The following CTNND2 variants were observed in gnomAD, a reference collection of about 807,000 sequenced individuals.
The protein encoded by CTNND2 is catenin delta 2.
In CTNND2, 22 loss-of-function variants were observed where a neutral mutation model predicts 144.4. The ratio of observed to expected loss-of-function variants is 0.15; its 90% CI spans 0.11 to 0.22. The LOEUF (loss-of-function observed/expected upper bound fraction) is 0.22. Among genes scored for constraint, CTNND2 ranks in the 10% least tolerant of loss-of-function variants. CTNND2 has a pLI of 1.00. For synonymous variants in CTNND2, 751 were observed against 695.6 expected (o/e 1.08, Z -1.25); for missense variants, 1,353 against 1,618.8 (o/e 0.84, Z 2.82).
intron 1 of CTNND2, among the ~76,000 whole-genome samples, chr5:11,861,550 T>C (rs998027180): frequency 6.6e-6 from 1 of 152,210 alleles, no homozygotes; most frequent in African/African-American, 2.4e-5. Context: ...CTGAATGCCA[T>C]TGTCCAAACC....
intron 8 of CTNND2, among the ~76,000 whole-genome samples, chr5:11,362,954 A>G (rs541410267): frequency 6.6e-6 from 1 of 152,382 alleles, no homozygotes; most frequent in Non-Finnish European, 1.5e-5. Flanking sequence ...ATGAATGGGT[A>G]TGGCTGCATC....
intron 1 of CTNND2, among the ~76,000 whole-genome samples, chr5:11,816,092 C>T (rs1363459071): frequency 1.3e-5 from 2 of 152,176 alleles, no homozygotes; most frequent in African/African-American, 4.8e-5. Context: ...AGGCCCTGGT[C>T]CTGGGACCCA....
intron 2 of CTNND2, among the ~76,000 whole-genome samples, chr5:11,692,287 T>A (rs964831591): frequency 6.6e-6 from 1 of 152,038 alleles, no homozygotes; most frequent in Non-Finnish European, 1.5e-5. Flanking sequence ...CAAAAAAAAA[T>A]TTTAAAAAGT....
chr5:11,242,986 T>C (rs1482716917), intron 9 of CTNND2, among the ~76,000 whole-genome samples: 2 of 152,226 alleles, frequency 1.3e-5, no homozygotes, highest in Non-Finnish European at 2.9e-5. Flanking sequence ...CTAGATATTT[T>C]CTAGTAATTT....
chr5:11,014,510 C>A (rs1045987634), intron 18 of CTNND2, among the ~76,000 whole-genome samples: 3 of 152,186 alleles, frequency 2.0e-5, no homozygotes, highest in African/African-American at 7.2e-5. Flanking sequence ...CTTTAGCCTG[C>A]AAGTGATCAC....
At chr5:11,589,011 G>T (rs559442934) in intron 2 of CTNND2, 2 of 985,116 alleles carry the variant, frequency 2.0e-6, no homozygotes, top group Non-Finnish European at 2.4e-6. Context: ...GCTTTCACTC[G>T]CAAACAGTTT....
At chr5:11,248,597 T>C (rs1435157681) in intron 9 of CTNND2, among the ~76,000 whole-genome samples, 2 of 152,158 alleles carry the variant, frequency 1.3e-5, no homozygotes, top group Non-Finnish European at 2.9e-5. Context: ...CCATACCACT[T>C]GACAATTGTC....
At chr5:11,901,029 A>T (rs1737834557) in intron 1 of CTNND2, among the ~76,000 whole-genome samples, 1 of 152,236 alleles carries the variant, frequency 6.6e-6, no homozygotes, top group African/African-American at 2.4e-5. Context: ...ATAAAGAAGA[A>T]AACATTGGAA....
intron 3 of CTNND2, among the ~76,000 whole-genome samples, chr5:11,501,730 C>T (rs113961533): frequency 0.018 from 2,795 of 151,534 alleles, 93 homozygotes; most frequent in African/African-American, 0.064. Context: ...GGGCAGGAGG[C>T]TGGGCATGTG....
intron 3 of CTNND2, among the ~76,000 whole-genome samples, chr5:11,443,547 T>G (rs184910289): frequency 3.4e-3 from 518 of 152,142 alleles, no homozygotes; most frequent in African/African-American, 0.012. Context: ...AGTTAAAAAT[T>G]CTTTCAAAAT....
intron 3 of CTNND2, among the ~76,000 whole-genome samples, chr5:11,493,852 TATAA>T (rs1471013531): frequency 5.3e-5 from 8 of 152,210 alleles, no homozygotes; most frequent in Admixed American, 4.6e-4. Flanking sequence ...TAATTTTCTC[TATAA>T]ATATTTTCAA....
At chr5:11,676,289 A>G (rs1208967305) in intron 2 of CTNND2, among the ~76,000 whole-genome samples, 1 of 152,096 alleles carries the variant, frequency 6.6e-6, no homozygotes, top group Non-Finnish European at 1.5e-5. Flanking sequence ...CTCCCTTTCT[A>G]TGTCACACTC....
intron 10 of CTNND2, among the ~76,000 whole-genome samples, chr5:11,219,255 C>T (rs906925020): frequency 6.6e-6 from 1 of 152,210 alleles, no homozygotes; most frequent in Non-Finnish European, 1.5e-5. Context: ...TTAATCCTCC[C>T]ACCATCACAA....
intron 9 of CTNND2, among the ~76,000 whole-genome samples, chr5:11,268,244 A>T (rs1745652854): frequency 6.6e-6 from 1 of 152,204 alleles, no homozygotes; most frequent in African/African-American, 2.4e-5. Flanking sequence ...TTTAAATAGT[A>T]ATTTCAGTAA....
intron 1 of CTNND2, among the ~76,000 whole-genome samples, chr5:11,750,582 A>G (rs1278289812): frequency 5.9e-5 from 9 of 151,880 alleles, no homozygotes. Context: ...TGAAAAACAA[A>G]TTTTGTTTTG....
chr5:11,193,727 C>A (rs1454301072), intron 11 of CTNND2, among the ~76,000 whole-genome samples: 1 of 151,982 alleles, frequency 6.6e-6, no homozygotes, highest in Admixed American at 6.6e-5. Flanking sequence ...GGGAGAGGGG[C>A]TATGCCTCTG....
At position 11,199,761 on chromosome 5, in the gene CTNND2, G is replaced by T. The variant is rs1737242195; in HGVS notation, c.1762-100C>A. 4 of 839,650 alleles carry T rather than the reference G, an allele frequency of 4.8e-6. No individual in the cohort carries two copies. In the East Asian group the frequency reaches 1.0e-4, roughly 21 times the overall value. The allele number at this position is 839,650 out of a possible 1,614,324, so 52.0% of individuals were successfully genotyped here. A position where few individuals can be genotyped will look rare whatever the true frequency, so the allele number is the denominator to read the frequency against. On this transcript the variant is annotated intron_variant, in intron 10 of 21. Coordinates refer to ENST00000304623, the MANE Select transcript of CTNND2 (RefSeq NM_001332.4). ...ATAAAGTATCTGCTAACAATTAATC[G>T]CACCAAACTGAATTAAGGCATACAA...
At chr5:11,234,065 C>T (rs1158835801) in intron 10 of CTNND2, among the ~76,000 whole-genome samples, 1 of 152,104 alleles carries the variant, frequency 6.6e-6, no homozygotes, top group Non-Finnish European at 1.5e-5. Flanking sequence ...GCTAGGAGTG[C>T]CAGCTGCTGG....
intron 16 of CTNND2, among the ~76,000 whole-genome samples, chr5:11,069,540 A>G (rs1747998576): frequency 6.6e-6 from 1 of 152,178 alleles, no homozygotes; most frequent in Non-Finnish European, 1.5e-5. Flanking sequence ...CATATTGAGG[A>G]TGGATAGAGA....
Sources: allele counts gnomAD v4.1 joint callset (sites outside exome capture counted in the v4.1 genomes callset), GRCh38; gene constraint gnomAD v4.1.1; transcripts MANE v1.5; gene names NCBI Gene and HGNC (gene_info 2026-07-23, HGNC 2026-07-21).